The following KIDINS220 variants were observed in gnomAD, a reference collection of about 807,000 sequenced individuals.
KIDINS220 encodes kinase D-interacting substrate of 220 kDa.
KIDINS220 carries 63 observed loss-of-function variants against 157.6 expected under a neutral mutation model. That is an observed-to-expected ratio of 0.40 (90% CI 0.33 to 0.49). The LOEUF (loss-of-function observed/expected upper bound fraction) is 0.49, where lower values mean the gene tolerates loss of function less well. Ranked by LOEUF, KIDINS220 falls within the 20% of genes least tolerant of loss-of-function variation. The pLI, the probability that KIDINS220 is intolerant of heterozygous loss-of-function variation, is 0.66. For synonymous variants in KIDINS220, 732 were observed against 783.6 expected (o/e 0.93, Z 1.10); for missense variants, 1,772 against 2,171.2 (o/e 0.82, Z 3.65).
At chr2:8,814,632 G>T (rs1055706822) in intron 4 of KIDINS220, among the ~76,000 whole-genome samples, 1 of 152,214 alleles carries the variant, frequency 6.6e-6, no homozygotes, top group African/African-American at 2.4e-5. Context: ...ACTGCTGCAA[G>T]TAAGATTCAC....
intron 4 of KIDINS220, among the ~76,000 whole-genome samples, chr2:8,814,282 A>AT (rs565757202): frequency 4.4e-4 from 66 of 151,112 alleles, no homozygotes; most frequent in African/African-American, 1.2e-3. Flanking sequence ...TTACTAAGGA[A>AT]TTTTTTTTTT....
At chr2:8,779,222 CT>C in intron 18 of KIDINS220, 83 bp from the exon 19 acceptor site, 1 of 1,487,940 alleles carries the variant, frequency 6.7e-7, no homozygotes, top group Non-Finnish European at 9.1e-7. Context: ...TATGTGCTAC[CT>C]TTTGGTGACA....
In KIDINS220 at chr2:8,813,251, T is replaced by C; in HGVS notation, c.391A>G (p.Ser131Gly). The C allele has an allele frequency of 8.1e-6, 13 of 1,612,348 alleles. No homozygotes were observed. The highest frequency in any genetic ancestry group is 1.1e-5 in the Non-Finnish European group (13 of 1,179,398). Reference sequence around the variant, plus strand: ...TTAATGCTTACCAGACCAGTGACACTTGGATTGGCACCATGAGAAAGAAGC... The same window carrying C: ...TTAATGCTTACCAGACCAGTGACACCTGGATTGGCACCATGAGAAAGAAGC... ...ELLLSHGANPSVTGLYSVYPI... is the reference protein window; with the variant it reads ...ELLLSHGANPGVTGLYSVYPI... Residue 131 changes from serine (S) to glycine (G), a missense_variant, in exon 5 of 30, where the codon AGT (serine) becomes GGT (glycine). By Grantham distance (56) the Ser-to-Gly change is moderately conservative. Coordinates refer to ENST00000256707, the MANE Select transcript of KIDINS220 (RefSeq NM_020738.4).
intron 2 of KIDINS220, among the ~76,000 whole-genome samples, chr2:8,822,468 A>G (rs971495741): frequency 2.0e-5 from 3 of 151,948 alleles, no homozygotes; most frequent in East Asian, 1.9e-4. Flanking sequence ...TACAAAAAAA[A>G]TTTTTTTTAA....
At chr2:8,809,563 T>G (rs1192995658) in intron 6 of KIDINS220, among the ~76,000 whole-genome samples, 1 of 151,836 alleles carries the variant, frequency 6.6e-6, no homozygotes, top group Non-Finnish European at 1.5e-5. Context: ...ATTCCGTTAC[T>G]ACTGATCTCA....
At chr2:8,821,229 T>G (rs1044350215) in intron 2 of KIDINS220, among the ~76,000 whole-genome samples, 6 of 151,890 alleles carry the variant, frequency 4.0e-5, no homozygotes, top group African/African-American at 1.4e-4. Context: ...TTTGATAGCC[T>G]AGAAACATGC....
chr2:8,750,292 C>T lies in KIDINS220; in HGVS notation c.3234G>A (p.Ala1078=), dbSNP rs370476082. 23 of 1,612,106 alleles carry T rather than the reference C, an allele frequency of 1.4e-5. No homozygotes were observed. The highest frequency in any genetic ancestry group is 5.3e-5 in the African/African-American group (4 of 74,866). ...AREQISIGGL[A]YPPLPLHEGP... ...CCTCATGTAGAGGGAGCGGGGGGTA[C>T]GCCAGTCCTCCAATACTGATCTGCT... Residue 1078 remains alanine (A), a synonymous_variant, in exon 24 of 30, where the codon GCG becomes GCA. Transcript: ENST00000256707.
In KIDINS220 at chr2:8,837,609, GAACT is replaced by G. The variant is rs1246813520; in HGVS notation, c.-170_-167del. 1 of 151,422 alleles carries G rather than the reference GAACT, an allele frequency of 6.6e-6. No homozygotes were observed. The allele number at this position is 151,422 out of a possible 1,614,324, so 9.4% of individuals were successfully genotyped here. On this transcript the variant is annotated 5_prime_UTR_variant, in exon 1 of 30. Coordinates refer to ENST00000256707, the MANE Select transcript of KIDINS220 (RefSeq NM_020738.4). ...GGCGGCCATATTCTTCCCTCTCCGCGAACTGACAGATCACGTGCCCTGGGTAGGG... is the reference window on the plus strand; with the variant it reads ...GGCGGCCATATTCTTCCCTCTCCGCGGACAGATCACGTGCCCTGGGTAGGG...
intron 3 of KIDINS220, among the ~76,000 whole-genome samples, chr2:8,818,159 CTCTTT>C (rs1418955709): frequency 2.8e-4 from 42 of 152,126 alleles, no homozygotes; most frequent in Non-Finnish European, 1.5e-4. Flanking sequence ...AAGAACTATT[CTCTTT>C]TATTTTTTAA....
intron 22 of KIDINS220, among the ~76,000 whole-genome samples, chr2:8,752,046 A>C (rs975922450): frequency 6.6e-6 from 1 of 151,442 alleles, no homozygotes; most frequent in Non-Finnish European, 1.5e-5. Flanking sequence ...TTTGAGACAG[A>C]ATCTTGTTCT....
downstream of KIDINS220, among the ~76,000 whole-genome samples, chr2:8,726,110 ATTTTT>A (rs1001438416): frequency 1.3e-5 from 2 of 152,186 alleles, no homozygotes; most frequent in Non-Finnish European, 2.9e-5. Flanking sequence ...GTTTTTATTG[ATTTTT>A]AAAGGGTCAT....
chr2:8,763,432 A>C (rs1209621286), intron 22 of KIDINS220, among the ~76,000 whole-genome samples: 1 of 152,174 alleles, frequency 6.6e-6, no homozygotes, highest in Non-Finnish European at 1.5e-5. Context: ...GTCGGCACTC[A>C]GTTTCAGATT....
intron 21 of KIDINS220, among the ~76,000 whole-genome samples, chr2:8,775,413 G>A (rs994453695): frequency 1.3e-5 from 2 of 152,168 alleles, no homozygotes; most frequent in Non-Finnish European, 2.9e-5. Flanking sequence ...GGCAAAGGGA[G>A]ATGAAGGCTA....
At chr2:8,721,639 G>C (rs887621476), downstream of KIDINS220, 4 of 152,164 alleles carry the variant, frequency 2.6e-5, no homozygotes, top group Non-Finnish European at 5.9e-5. Flanking sequence ...AAATTAAAAT[G>C]TATCTTGGAA....
At chr2:8,788,271 C>CTTT in intron 15 of KIDINS220, among the ~76,000 whole-genome samples, 1 of 146,326 alleles carries the variant, frequency 6.8e-6, no homozygotes, top group South Asian at 2.2e-4. Context: ...ATTCTATAAA[C>CTTT]TTTTTTTTTT....
In KIDINS220 at chr2:8,731,871, C is replaced by A; in HGVS notation, c.4165G>T (p.Glu1389Ter). 1 of 1,614,122 alleles carries A rather than the reference C, an allele frequency of 6.2e-7. No individual in the cohort carries two copies. Among genetic ancestry groups the A allele is most frequent in the African/African-American group, 1.3e-5 (1 of 75,028 alleles). ...AACTGGGACATCTGAGCAATGTATT[C>A]TCTATAGGCATCTCTATACTCGGCC... The part of the protein sequence containing the change: ...VQAEYRDAYR[E>*]YIAQMSQLEG... Residue 1389 changes from glutamate to a stop codon, truncating the protein, a stop_gained, in exon 30 of 30, where the codon GAA becomes TAA. Coordinates refer to ENST00000256707, the MANE Select transcript of KIDINS220 (RefSeq NM_020738.4). LOFTEE classifies it low-confidence loss of function (END_TRUNC). This position sits in a 1 kb window ranked among gnomAD's most constrained non-coding sequence, Gnocchi z 5.2.
At chr2:8,784,295 A>G in intron 17 of KIDINS220, among the ~76,000 whole-genome samples, 1 of 152,204 alleles carries the variant, frequency 6.6e-6, no homozygotes, top group East Asian at 1.9e-4. Flanking sequence ...TCACAGACCT[A>G]AATGCAAAAG....
chr2:8,733,716 A>T (rs766531041), intron 28 of KIDINS220, 36 bp from the exon 29 acceptor site: 1 of 1,286,706 alleles, frequency 7.8e-7, no homozygotes, highest in East Asian at 2.4e-5. Context: ...TTACACTAAC[A>T]AATCATATTT....
chr2:8,823,813 C>G (rs1678353051), intron 2 of KIDINS220, among the ~76,000 whole-genome samples: 1 of 152,086 alleles, frequency 6.6e-6, no homozygotes, highest in South Asian at 2.1e-4. Context: ...TTTGTAACAA[C>G]CTCCAATTAT....
Sources: allele counts gnomAD v4.1 joint callset (sites outside exome capture counted in the v4.1 genomes callset), GRCh38; gene constraint gnomAD v4.1.1; non-coding constraint Gnocchi (gnomAD v3.1); transcripts MANE v1.5; gene names NCBI Gene and HGNC (gene_info 2026-07-23, HGNC 2026-07-21).